TMEM87B: variants seen among roughly 807,000 people sequenced by gnomAD.
TMEM87B encodes the protein transmembrane protein 87B.
A neutral mutation model predicts 80.3 loss-of-function variants in TMEM87B; 83 were observed. The ratio of observed to expected loss-of-function variants is 1.03; its 90% CI spans 0.87 to 1.24. The LOEUF is 1.24. Ranked by LOEUF, TMEM87B falls within the 50% of genes most tolerant of loss-of-function variation. TMEM87B has a pLI of 0.00. For synonymous variants in TMEM87B, 219 were observed against 230.5 expected (o/e 0.95, Z 0.45); for missense variants, 625 against 674.4 (o/e 0.93, Z 0.81).
At chr2:112,099,434 A>G (rs912856467) in intron 14 of TMEM87B, among the ~76,000 whole-genome samples, 2 of 151,494 alleles carry the variant, frequency 1.3e-5, no homozygotes, top group African/African-American at 4.8e-5. Context: ...TCCAAAACTC[A>G]AAACACTTCT....
intron 18 of TMEM87B, 110 bp from the exon 19 acceptor site, chr2:112,115,974 G>T: frequency 1.4e-6 from 1 of 733,650 alleles, no homozygotes; most frequent in Non-Finnish European, 2.3e-6. Context: ...GTATATTATG[G>T]AATATATTTA....
intron 1 of TMEM87B, among the ~76,000 whole-genome samples, chr2:112,056,751 G>A (rs2104449114): frequency 6.6e-6 from 1 of 152,282 alleles, no homozygotes; most frequent in Non-Finnish European, 1.5e-5. Context: ...AACACGCTGG[G>A]TATCTTTCTG....
At chr2:112,096,186 T>C (rs888391766) in intron 11 of TMEM87B, among the ~76,000 whole-genome samples, 1 of 152,216 alleles carries the variant, frequency 6.6e-6, no homozygotes, top group Admixed American at 6.5e-5. Context: ...ATGAACTCTT[T>C]ATATCCACTG....
intron 9 of TMEM87B, among the ~76,000 whole-genome samples, chr2:112,088,899 C>T (rs1403201292): frequency 6.6e-6 from 1 of 152,110 alleles, no homozygotes; most frequent in Non-Finnish European, 1.5e-5. Context: ...GCTGGCACTA[C>T]AGGCACGAGC....
rs1009457075 is a variant in TMEM87B, at chr2:112,095,503, A to G, written c.1105-1541A>G. On this transcript the variant is annotated intron_variant, in intron 11 of 18. Coordinates refer to ENST00000283206, the MANE Select transcript of TMEM87B (RefSeq NM_032824.3). ...CATTTTTTTAAAATTATTAAACCAG[A>G]CCAGATTTTTTTTTAATCCTAGAAA... 3.2e-6 allele frequency: 3 copies of G among 942,188 alleles called. No homozygotes were observed. The African/African-American group carries it at 5.3e-5, about 17-fold the overall frequency. The allele number at this position is 942,188 out of a possible 1,614,324, so 58.4% of individuals were successfully genotyped here.
At chr2:112,060,469 A>G (rs1678217182) in intron 2 of TMEM87B, among the ~76,000 whole-genome samples, 1 of 152,202 alleles carries the variant, frequency 6.6e-6, no homozygotes, top group African/African-American at 2.4e-5. Flanking sequence ...TTTTGTTTTT[A>G]AGTAGTTCTA....
intron 16 of TMEM87B, among the ~76,000 whole-genome samples, chr2:112,106,878 G>A (rs1679782517): frequency 6.6e-6 from 1 of 152,058 alleles, no homozygotes; most frequent in Admixed American, 6.6e-5. Context: ...TAAACAAGAT[G>A]GATAACATAG....
intron 5 of TMEM87B, among the ~76,000 whole-genome samples, chr2:112,075,376 G>T (rs1380284903): frequency 6.6e-6 from 1 of 152,026 alleles, no homozygotes; most frequent in Non-Finnish European, 1.5e-5. Context: ...CTTCAGCCTG[G>T]GTGACAGAGC....
intron 5 of TMEM87B, 23 bp downstream of exon 5, chr2:112,074,985 A>G: frequency 6.3e-7 from 1 of 1,578,340 alleles, no homozygotes; most frequent in Non-Finnish European, 8.6e-7. Flanking sequence ...ATTTGTCTTT[A>G]AATCAAATAT....
At position 112,089,614 on chromosome 2, in the gene TMEM87B, C is replaced by T; in HGVS notation, c.939-11C>T. The T allele has an allele frequency of 6.2e-7, 1 of 1,613,808 alleles. No homozygotes were observed. Among genetic ancestry groups the T allele is most frequent in the Non-Finnish European group, 8.5e-7 (1 of 1,179,730 alleles). On this transcript the variant is annotated splice_polypyrimidine_tract_variant and intron_variant, in intron 9 of 18. Coordinates refer to ENST00000283206, the MANE Select transcript of TMEM87B (RefSeq NM_032824.3). ...TTTTCTTCTTTCTCTGTTTCCTCTT[C>T]CTGATTCCAGGCCTCGTTTAGGAAC... is the stretch of plus-strand genomic sequence containing the variant.
At chr2:112,060,684 A>G (rs1346654064) in intron 2 of TMEM87B, among the ~76,000 whole-genome samples, 1 of 151,690 alleles carries the variant, frequency 6.6e-6, no homozygotes, top group Admixed American at 6.6e-5. Context: ...TTACAGGCGA[A>G]CGCCACCACG....
chr2:112,063,601 T>C (rs1406054664), intron 2 of TMEM87B, among the ~76,000 whole-genome samples: 1 of 152,210 alleles, frequency 6.6e-6, no homozygotes, highest in East Asian at 1.9e-4. Context: ...ACTTCTGCTC[T>C]TCCTTCAAGT....
At chr2:112,061,166 C>T (rs1211009500) in intron 2 of TMEM87B, among the ~76,000 whole-genome samples, 2 of 152,164 alleles carry the variant, frequency 1.3e-5, no homozygotes, top group Non-Finnish European at 2.9e-5. Context: ...TGTGTCAATA[C>T]TGAGATACCA....
At chr2:112,072,236 A>G (rs1573691883) in intron 4 of TMEM87B, among the ~76,000 whole-genome samples, 2 of 152,116 alleles carry the variant, frequency 1.3e-5, no homozygotes, top group African/African-American at 4.8e-5. Context: ...ATTGGCCTGA[A>G]GCCTTCTTTT....
intron 11 of TMEM87B, chr2:112,095,605 G>A: frequency 2.6e-5 from 12 of 456,160 alleles, no homozygotes; most frequent in Non-Finnish European, 3.5e-5. Context: ...CATTTTTAAA[G>A]TTCTCATAGT....
intron 10 of TMEM87B, among the ~76,000 whole-genome samples, chr2:112,091,130 C>T (rs1430027393): frequency 6.6e-6 from 1 of 151,878 alleles, no homozygotes. Flanking sequence ...ATCCTAGCTA[C>T]TTGGGAGGCT....
chr2:112,076,886 G>GTGTC (rs1213930029), intron 5 of TMEM87B, among the ~76,000 whole-genome samples: 1 of 89,166 alleles, frequency 1.1e-5, no homozygotes, highest in Non-Finnish European at 2.4e-5. Context: ...GTGTGTGTGT[G>GTGTC]TGTCTGTGTG....
rs532353568 is a variant in TMEM87B at position 112,055,700 on chromosome 2, C to T, written c.109C>T (p.Pro37Ser). Reference protein sequence around the residue: ...RVALCLLCWTPAAVRAVPELG... With the variant: ...RVALCLLCWTSAAVRAVPELG... ...CGCCCTCTGCCTCCTGTGCTGGACC[C>T]CGGCGGCTGTGCGCGCGGTCCCTGA... The change falls in exon 1 of 19, where the codon CCG (proline) becomes TCG (serine). Residue 37 changes from proline to serine, a missense_variant. Pro to Ser is a moderately conservative substitution (Grantham distance 74). Transcript: ENST00000283206. 14 of 1,550,768 alleles carry T rather than the reference C, an allele frequency of 9.0e-6. No individual in the cohort carries two copies. The highest frequency in any genetic ancestry group is 1.4e-5 in the African/African-American group (1 of 69,590).
At chr2:112,065,378 G>A (rs1468120544) in intron 3 of TMEM87B, among the ~76,000 whole-genome samples, 1 of 151,866 alleles carries the variant, frequency 6.6e-6, no homozygotes, top group Non-Finnish European at 1.5e-5. Flanking sequence ...GGGCAGGGTG[G>A]GTCACACCTG....
Sources: allele counts gnomAD v4.1 joint callset (sites outside exome capture counted in the v4.1 genomes callset), GRCh38; gene constraint gnomAD v4.1.1; transcripts MANE v1.5; gene names NCBI Gene and HGNC (gene_info 2026-07-23, HGNC 2026-07-21).